Variants in ABTB2 observed in about 807,000 individuals in gnomAD.
ABTB2 encodes ankyrin repeat and BTB domain containing 2, also known as ankyrin repeat and BTB/POZ domain-containing protein 2.
In ABTB2, 56 loss-of-function variants were observed where a neutral mutation model predicts 104.1. The observed-to-expected ratio is 0.54, with a 90% CI of 0.43 to 0.67. ABTB2 has a LOEUF of 0.67. Ranked by LOEUF, ABTB2 falls within the 30% of genes least tolerant of loss-of-function variation. ABTB2 has a pLI of 0.00. For synonymous variants in ABTB2, 606 were observed against 608.2 expected, an observed-to-expected ratio of 1.00 and a Z score of 0.05; for missense variants, 1,279 against 1,407.7, an observed-to-expected ratio of 0.91 and a Z score of 1.46.
intron 1 of ABTB2, among the ~76,000 whole-genome samples, chr11:34,220,886 A>G (rs1157265333): frequency 6.6e-6 from 1 of 151,990 alleles, no homozygotes; most frequent in Non-Finnish European, 1.5e-5. Flanking sequence ...TTGGTTTCTC[A>G]TGAGGCCTCC....
chr11:34,185,118 T>A (rs2133027667), intron 3 of ABTB2, among the ~76,000 whole-genome samples: 1 of 152,328 alleles, frequency 6.6e-6, no homozygotes, highest in South Asian at 2.1e-4. Context: ...CACACAGCAC[T>A]CACCTTCCCC....
intron 7 of ABTB2, 65 bp from the exon 8 acceptor site, chr11:34,165,421 G>A (rs1852786175): frequency 3.6e-6 from 5 of 1,385,152 alleles, no homozygotes; most frequent in Non-Finnish European, 5.0e-6. Flanking sequence ...GAAGGGCCAG[G>A]GTGCTTTCGG....
rs189827409 is a variant in ABTB2, at chr11:34,251,178, C to G, written c.884-46488G>C. 1.7e-4 allele frequency among the ~76,000 whole-genome samples: 26 copies of G among 152,302 alleles called. No individual in the cohort carries two copies. In the East Asian group the frequency reaches 4.8e-3, roughly 28 times the overall value. ...CCTCTCAGAGGCAAGGAGAATGGCTCCTCCCATATTCTGTGACAACCAACA... is the reference window on the plus strand; with the variant it reads ...CCTCTCAGAGGCAAGGAGAATGGCTGCTCCCATATTCTGTGACAACCAACA... On this transcript the variant is annotated intron_variant, in intron 1 of 16. Transcript: ENST00000435224.
intron 1 of ABTB2, among the ~76,000 whole-genome samples, chr11:34,215,946 A>T (rs1471224579): frequency 6.6e-6 from 1 of 151,992 alleles, no homozygotes; most frequent in Non-Finnish European, 1.5e-5. Context: ...ATCCACAGTG[A>T]TTTAAAAAAA....
intron 1 of ABTB2, among the ~76,000 whole-genome samples, chr11:34,279,591 T>C (rs1369069443): frequency 2.0e-5 from 3 of 152,178 alleles, no homozygotes; most frequent in African/African-American, 7.2e-5. Flanking sequence ...CACTTATTTA[T>C]GAATCCTTAA....
At chr11:34,195,888 C>T (rs1853246842) in intron 3 of ABTB2, among the ~76,000 whole-genome samples, 1 of 152,188 alleles carries the variant, frequency 6.6e-6, no homozygotes, top group South Asian at 2.1e-4. Context: ...GACTCAATGC[C>T]CCCCAAAGAC....
intron 3 of ABTB2, among the ~76,000 whole-genome samples, chr11:34,191,096 C>A (rs1853169531): frequency 6.6e-6 from 1 of 152,164 alleles, no homozygotes; most frequent in Non-Finnish European, 1.5e-5. Context: ...TGGCACCCTC[C>A]TCCCCTTGGT....
intron 1 of ABTB2, among the ~76,000 whole-genome samples, chr11:34,294,674 C>T (rs776052105): frequency 1.3e-5 from 2 of 151,962 alleles, no homozygotes; most frequent in African/African-American, 2.4e-5. Context: ...CAGTTTGAGA[C>T]CAGCCTGGGC....
intron 1 of ABTB2, among the ~76,000 whole-genome samples, chr11:34,306,489 T>C (rs1216524229): frequency 6.6e-6 from 1 of 152,044 alleles, no homozygotes; most frequent in Non-Finnish European, 1.5e-5. Flanking sequence ...TCAGCTGATC[T>C]GCCTGCCTCA....
At chr11:34,236,555 G>A (rs778464038) in intron 1 of ABTB2, among the ~76,000 whole-genome samples, 21 of 152,060 alleles carry the variant, frequency 1.4e-4, no homozygotes. Context: ...GAAGCCAGAG[G>A]ACCCCATTCT....
rs1489351081 is a variant in ABTB2, at chr11:34,357,678, G to A, written c.-95C>T. 1.3e-5 allele frequency: 17 copies of A among 1,273,284 alleles called. No homozygotes were observed. The East Asian group carries it at 1.5e-4, about 11-fold the overall frequency. 78.9% of individuals were successfully genotyped at this position (1,273,284 alleles called of 1,614,324 possible). On this transcript the variant is annotated 5_prime_UTR_variant, in exon 1 of 17. Coordinates refer to ENST00000435224, the MANE Select transcript of ABTB2 (RefSeq NM_145804.3). ...GGCAGAAACAAGCTCTAGGCCCTCC[G>A]GGCCACCCTCCTTCCTCTCTGCGTC...
In ABTB2 at chr11:34,297,796, G is replaced by GCAAAT. The variant is rs1564926792; in HGVS notation, c.883+58904_883+58905insATTTG. Among the ~76,000 whole-genome samples the GCAAAT allele has an allele frequency of 3.1e-4, 38 of 123,062 alleles. 2 individuals are homozygous for GCAAAT. The highest frequency in any genetic ancestry group is 4.5e-4 in the African/African-American group (14 of 31,202). The allele number at this position is 123,062 out of a possible 152,430, so 80.7% of individuals were successfully genotyped here. ...AAAAAAAAAAAAAATAAAAATAAAG[G>GCAAAT]AAAGAAAAAGAAAAAAACAAAATTC... On this transcript the variant is annotated intron_variant, in intron 1 of 16. Transcript: ENST00000435224.
chr11:34,276,956 C>T (rs994595646), intron 1 of ABTB2, among the ~76,000 whole-genome samples: 1 of 152,136 alleles, frequency 6.6e-6, no homozygotes, highest in Non-Finnish European at 1.5e-5. Flanking sequence ...GGTTGGAGTG[C>T]AATGGTGTGA....
intron 9 of ABTB2, among the ~76,000 whole-genome samples, chr11:34,163,430 C>CCTCGTGAGCTAAAAG (rs1457859516): frequency 6.6e-6 from 1 of 152,218 alleles, no homozygotes; most frequent in African/African-American, 2.4e-5. Flanking sequence ...CTGCTTTTAG[C>CCTCGTGAGCTAAAAG]CTCGTGAGAG....
At chr11:34,296,321 G>A (rs1350836599) in intron 1 of ABTB2, among the ~76,000 whole-genome samples, 2 of 152,078 alleles carry the variant, frequency 1.3e-5, no homozygotes, top group Non-Finnish European at 2.9e-5. Context: ...CTAAGGAGGG[G>A]AGGGAGACAA....
At chr11:34,210,667 G>A (rs1187608896) in intron 1 of ABTB2, among the ~76,000 whole-genome samples, 1 of 152,140 alleles carries the variant, frequency 6.6e-6, no homozygotes, top group African/African-American at 2.4e-5. Flanking sequence ...TGCCACCAAC[G>A]GCCCCACTAG....
intron 1 of ABTB2, among the ~76,000 whole-genome samples, chr11:34,264,975 G>C (rs946353021): frequency 1.3e-5 from 2 of 152,244 alleles, no homozygotes; most frequent in African/African-American, 4.8e-5. Flanking sequence ...TGGAGGACAG[G>C]GAAAGGGGAG....
At chr11:34,351,009 C>A (rs1477815745) in intron 1 of ABTB2, among the ~76,000 whole-genome samples, 1 of 152,178 alleles carries the variant, frequency 6.6e-6, no homozygotes, top group Non-Finnish European at 1.5e-5. Flanking sequence ...AAAAGTCAGA[C>A]CTATTACTAC....
At chr11:34,195,990 C>T (rs1036724132) in intron 3 of ABTB2, among the ~76,000 whole-genome samples, 7 of 152,136 alleles carry the variant, frequency 4.6e-5, no homozygotes, top group East Asian at 1.9e-4. Context: ...CACTGAGGCC[C>T]GTGGGCTCTG....
Sources: gnomAD v4.1 joint callset for allele counts (sites outside exome capture counted in the v4.1 genomes callset) on GRCh38, gnomAD v4.1.1 for gene constraint, MANE v1.5 for transcripts, NCBI Gene and HGNC (gene_info 2026-07-23, HGNC 2026-07-21) for gene names.